Variants in C16orf96 observed in about 807,000 individuals in gnomAD.
C16orf96 encodes the protein uncharacterized protein C16orf96.
C16orf96 carries 108 observed loss-of-function variants against 103.6 expected under a neutral mutation model. That is an observed-to-expected ratio of 1.04 (90% CI 0.89 to 1.22). The LOEUF is 1.22. C16orf96 is among the 50% of genes most tolerant of loss of function. C16orf96 has a pLI of 0.00. For missense variants in C16orf96, 1,586 were observed against 1,464.2 expected, an observed-to-expected ratio of 1.08 and a Z score of -1.36; for synonymous variants, 566 against 593.5, an observed-to-expected ratio of 0.95 and a Z score of 0.67.
At position 4,594,666 on chromosome 16, in the gene C16orf96, C is replaced by T. The variant is rs922097127; in HGVS notation, c.3028-38C>T. 34 of 1,547,556 alleles carry T rather than the reference C, an allele frequency of 2.2e-5. No individual in the cohort carries two copies. In the African/African-American group the frequency reaches 2.5e-4, roughly 11 times the overall value. On this transcript the variant is annotated intron_variant, in intron 13 of 15. Coordinates refer to ENST00000444310, the MANE Select transcript of C16orf96 (RefSeq NM_001145011.2). ...ACCAAAGTTCGGGGGCAGATCGGGT[C>T]GGGGGCTCCCTAACCCGGGACCTGG...
intron 9 of C16orf96, 30 bp from the exon 10 acceptor site, chr16:4,591,636 C>T (rs1332676352): frequency 6.6e-7 from 1 of 1,516,014 alleles, no homozygotes; most frequent in Non-Finnish European, 9.0e-7. Context: ...ATAGAGTATT[C>T]TTTCTTATCT....
At chr16:4,556,973 CT>C (rs368849390) in intron 1 of C16orf96, 64 bp downstream of exon 1, 55 of 1,447,830 alleles carry the variant, frequency 3.8e-5, no homozygotes, top group South Asian at 7.2e-5. Context: ...CCTGGGACGT[CT>C]TTTTTTTGTT....
rs1233169111 is a variant in C16orf96, at chr16:4,597,160, A to G, written c.3128-2124A>G. ...CAAACCCTGCATTCTCCTGGGCGGG[A>G]TGTGGCTTCTCCTCGAGAGGACTGG... On this transcript the variant is annotated intron_variant, in intron 14 of 15. Transcript: ENST00000444310. 2.0e-5 allele frequency among the ~76,000 whole-genome samples: 3 copies of G among 152,114 alleles called. No individual in the cohort carries two copies. In the South Asian group the frequency reaches 6.2e-4, roughly 31 times the overall value.
At chr16:4,566,144 C>T (rs1739529391) in intron 1 of C16orf96, among the ~76,000 whole-genome samples, 4 of 152,184 alleles carry the variant, frequency 2.6e-5, no homozygotes, top group Admixed American at 1.3e-4. Flanking sequence ...CCATGCCTGG[C>T]CCATGTGTGC....
At chr16:4,558,150 C>A (rs1286406348) in intron 1 of C16orf96, among the ~76,000 whole-genome samples, 2 of 152,202 alleles carry the variant, frequency 1.3e-5, no homozygotes, top group African/African-American at 4.8e-5. Flanking sequence ...GAAGAGGAAA[C>A]TGACGCTCAG....
At chr16:4,549,335 T>C in the C16orf96 span, among the ~76,000 whole-genome samples, 1 of 151,654 alleles carries the variant, frequency 6.6e-6, no homozygotes, top group Non-Finnish European at 1.5e-5. Flanking sequence ...TAGCCAGGCG[T>C]GGTGGCGGGT....
In C16orf96 at chr16:4,578,795, A is replaced by T. The variant is rs535924278; in HGVS notation, c.2156-145A>T. 3 of 463,880 alleles carry T rather than the reference A, an allele frequency of 6.5e-6. No homozygotes were observed. The East Asian group carries it at 9.7e-5, about 15-fold the overall frequency. 28.7% of individuals were successfully genotyped at this position (463,880 alleles called of 1,614,324 possible). A position where few individuals can be genotyped will look rare whatever the true frequency, so the allele number is the denominator to read the frequency against. On this transcript the variant is annotated intron_variant, in intron 5 of 15. Coordinates refer to ENST00000444310, the MANE Select transcript of C16orf96 (RefSeq NM_001145011.2). ...ATTAAAAAATAATGAAGAAATAAAT[A>T]AAAAGGTACCACAAGCTGCGAGGCC...
At chr16:4,559,962 G>C (rs2059310361) in intron 1 of C16orf96, 1 of 152,096 alleles carries the variant, frequency 6.6e-6, no homozygotes, top group Non-Finnish European at 1.5e-5. Context: ...GAAGTGTCTT[G>C]GAAGTAGATA....
intron 9 of C16orf96, among the ~76,000 whole-genome samples, chr16:4,589,351 G>A (rs1173342779): frequency 6.6e-6 from 1 of 151,620 alleles, no homozygotes; most frequent in East Asian, 1.9e-4. Flanking sequence ...GGCCAAAGCA[G>A]GCAGATCACT....
intron 13 of C16orf96, 69 bp downstream of exon 13, chr16:4,594,579 A>C (rs1897130711): frequency 1.3e-6 from 2 of 1,541,288 alleles, no homozygotes; most frequent in East Asian, 4.9e-5. Context: ...GTGTGGGACC[A>C]GGCACTGAGC....
At chr16:4,576,699 A>G in intron 5 of C16orf96, 64 bp downstream of exon 5, 1 of 1,432,990 alleles carries the variant, frequency 7.0e-7, no homozygotes, top group African/African-American at 1.4e-5. Flanking sequence ...GCCTTTGAGA[A>G]GTGTGTCCTG....
At chr16:4,567,688 TTGCC>T in intron 1 of C16orf96, among the ~76,000 whole-genome samples, 2 of 139,110 alleles carry the variant, frequency 1.4e-5, no homozygotes, top group African/African-American at 5.2e-5. Context: ...GTTTCTTCTG[TTGCC>T]TTTTTTTTTT....
the C16orf96 span, among the ~76,000 whole-genome samples, chr16:4,546,915 C>T: frequency 6.6e-6 from 1 of 152,076 alleles, no homozygotes; most frequent in Non-Finnish European, 1.5e-5. Context: ...ACCTTGAGAA[C>T]ACTCTGAGTG....
Position 4,594,345 on chromosome 16 carries a change from C to T in C16orf96, c.2868-6C>T, listed in dbSNP as rs776512403. ...AGGTCGCTGCTGACCCACTGCCCTG[C>T]TGCAGGGAACAGCAGTGGCTGCAGC... On this transcript the variant is annotated splice_region_variant and splice_polypyrimidine_tract_variant and intron_variant, in intron 12 of 15. Transcript: ENST00000444310. The T allele has an allele frequency of 1.9e-6, 3 of 1,550,518 alleles. No homozygotes were observed. Among genetic ancestry groups the T allele is most frequent in the Non-Finnish European group, 2.6e-6 (3 of 1,146,652 alleles).
At position 4,593,382 on chromosome 16, in the gene C16orf96, C is replaced by G. The variant is rs1393405393; in HGVS notation, c.2867+66C>G. On this transcript the variant is annotated intron_variant, in intron 12 of 15. Coordinates refer to ENST00000444310, the MANE Select transcript of C16orf96 (RefSeq NM_001145011.2). This position sits in a 1 kb window ranked among gnomAD's most constrained non-coding sequence, Gnocchi z 4.2. ...GGAGGCCACTCTGGAGCCTGGGAAC[C>G]CTGTTCCTGCAGAGACACATCCTCC... 4.6e-5 allele frequency: 65 copies of G among 1,424,698 alleles called. No individual in the cohort carries two copies. The South Asian group carries it at 7.3e-4, about 16-fold the overall frequency. The allele number at this position is 1,424,698 out of a possible 1,614,324, so 88.3% of individuals were successfully genotyped here. A position where few individuals can be genotyped will look rare whatever the true frequency, so the allele number is the denominator to read the frequency against.
intron 1 of C16orf96, among the ~76,000 whole-genome samples, chr16:4,566,653 T>C (rs2059388174): frequency 6.6e-6 from 1 of 152,180 alleles, no homozygotes; most frequent in Non-Finnish European, 1.5e-5. Flanking sequence ...TGGTGTCTTT[T>C]GAAGCACAAA....
At chr16:4,584,370 T>G in intron 7 of C16orf96, among the ~76,000 whole-genome samples, 1 of 147,772 alleles carries the variant, frequency 6.8e-6, no homozygotes, top group Non-Finnish European at 1.5e-5. Flanking sequence ...TTTTTTGAGA[T>G]ACAGTCTCGC....
chr16:4,580,966 A>G (rs888861553), intron 7 of C16orf96, among the ~76,000 whole-genome samples: 10 of 151,686 alleles, frequency 6.6e-5, no homozygotes, highest in African/African-American at 2.2e-4. Flanking sequence ...CTCTACTAAA[A>G]ATACAAAATT....
rs1208650060 is a variant in C16orf96 at position 4,594,057 on chromosome 16, C to T, written c.2868-294C>T. Among the ~76,000 whole-genome samples, 3 of 152,172 alleles carry T rather than the reference C, an allele frequency of 2.0e-5. No homozygotes were observed. In the East Asian group the frequency reaches 5.8e-4, roughly 29 times the overall value. ...GTGGGGGCCTGTGCTGACTCTGCCA[C>T]CCTCCCTCCCTGGCTCCTTGAGATC... On this transcript the variant is annotated intron_variant, in intron 12 of 15. Transcript: ENST00000444310.
Sources: gnomAD v4.1 joint callset for allele counts (sites outside exome capture counted in the v4.1 genomes callset) on GRCh38, gnomAD v4.1.1 for gene constraint, Gnocchi (gnomAD v3.1) non-coding constraint, MANE v1.5 for transcripts, NCBI Gene and HGNC (gene_info 2026-07-23, HGNC 2026-07-21) for gene names.